The following DCLK2 variants were observed in gnomAD, a reference collection of about 807,000 sequenced individuals.
The protein encoded by DCLK2 is doublecortin like kinase 2, also known as serine/threonine-protein kinase DCLK2.
DCLK2 carries 31 observed loss-of-function variants against 78.4 expected under a neutral mutation model. The ratio of observed to expected loss-of-function variants is 0.40; its 90% CI spans 0.30 to 0.53. The LOEUF (loss-of-function observed/expected upper bound fraction) is 0.53, where lower values mean the gene tolerates loss of function less well. Among genes scored for constraint, DCLK2 ranks in the 20% least tolerant of loss-of-function variants. The pLI is 0.61. For synonymous variants in DCLK2, 407 were observed against 374.9 expected, an observed-to-expected ratio of 1.09 and a Z score of -0.99; for missense variants, 872 against 973.7, an observed-to-expected ratio of 0.90 and a Z score of 1.39.
At position 150,178,070 on chromosome 4, in the gene DCLK2, A is replaced by G. The variant is rs1173953749; in HGVS notation, c.757-15068A>G. On this transcript the variant is annotated intron_variant, in intron 2 of 15. Transcript: ENST00000296550. ...AACTCTTCAATCCTGAATTAAATAT[A>G]TGAATTACCTTAAAATGAAAACAAA... Among the ~76,000 whole-genome samples, 4 of 152,376 alleles carry G rather than the reference A, an allele frequency of 2.6e-5. No homozygotes were observed. The East Asian group carries it at 7.7e-4, about 29-fold the overall frequency.
rs1354356604 is a variant in DCLK2 at position 150,248,314 on chromosome 4, A to G, written c.1885A>G (p.Ser629Gly). ...NITDSAKELI[S>G]QMLQVNVEAR... ...GTTTGTTTATTTGTAGGAATTAATCAGTCAAATGCTTCAGGTAAATGTTGA... is the reference window on the plus strand; with the variant it reads ...GTTTGTTTATTTGTAGGAATTAATCGGTCAAATGCTTCAGGTAAATGTTGA... Residue 629 changes from serine (S) to glycine (G), a missense_variant, in exon 14 of 16, where the codon AGT becomes GGT. Ser to Gly is a moderately conservative substitution (Grantham distance 56). This residue lies in a region of DCLK2 where 219 missense variants were observed against 230.1 expected (regional missense o/e 0.95). Coordinates refer to ENST00000296550, the MANE Select transcript of DCLK2 (RefSeq NM_001040260.4). 1.9e-6 allele frequency: 3 copies of G among 1,613,852 alleles called. No homozygotes were observed. The Admixed American group carries it at 5.0e-5, about 27-fold the overall frequency.
In DCLK2 at chr4:150,248,398, A is replaced by G. The variant is rs780908203; in HGVS notation, c.1956+13A>G. ...CCCCTGGGTGTCAGTAAGTACCCAC[A>G]TTCCCAGGGAATGGGCCTCACTGTG... On this transcript the variant is annotated intron_variant, in intron 14 of 15. Transcript: ENST00000296550. The G allele has an allele frequency of 5.8e-5, 93 of 1,610,908 alleles. No individual in the cohort carries two copies. The highest frequency in any genetic ancestry group is 7.8e-5 in the Non-Finnish European group (92 of 1,177,408).
chr4:150,247,461 A>G (rs1465753332), intron 12 of DCLK2, 142 bp from the exon 13 acceptor site: 2 of 618,870 alleles, frequency 3.2e-6, no homozygotes, highest in Non-Finnish European at 5.8e-6. Context: ...TTACAAATGG[A>G]ATTGAGATAC....
chr4:150,102,965 G>C (rs1410890397), intron 2 of DCLK2, among the ~76,000 whole-genome samples, 153 bp downstream of exon 2: 1 of 151,754 alleles, frequency 6.6e-6, no homozygotes, highest in Non-Finnish European at 1.5e-5. Context: ...GTGTGTGTGT[G>C]TGTATGTATG....
chr4:150,148,169 G>A (rs1008789914), intron 2 of DCLK2, among the ~76,000 whole-genome samples: 34 of 152,136 alleles, frequency 2.2e-4, no homozygotes, highest in African/African-American at 7.7e-4. Flanking sequence ...TTCGAGACCA[G>A]CCTGGGCAAT....
chr4:150,087,488 CAG>C (rs1344730241), intron 1 of DCLK2, among the ~76,000 whole-genome samples: 2 of 152,176 alleles, frequency 1.3e-5, no homozygotes, highest in African/African-American at 4.8e-5. Context: ...TGAGATGAGA[CAG>C]ATTAATAGAA....
rs1009338185 is a variant in DCLK2 at position 150,131,683 on chromosome 4, G to C, written c.756+28871G>C. Among the ~76,000 whole-genome samples the C allele has an allele frequency of 9.9e-5, 15 of 152,222 alleles. No individual in the cohort carries two copies. In the East Asian group the frequency reaches 2.7e-3, roughly 27 times the overall value. Reference sequence around the variant, plus strand: ...CCAGAGTCACTGTTCCTTGTCAAAAGCTCTTTTTATTAGAGGTTGAAATGC... The same window carrying C: ...CCAGAGTCACTGTTCCTTGTCAAAACCTCTTTTTATTAGAGGTTGAAATGC... On this transcript the variant is annotated intron_variant, in intron 2 of 15. Coordinates refer to ENST00000296550, the MANE Select transcript of DCLK2 (RefSeq NM_001040260.4).
At chr4:150,086,729 A>G (rs961668353) in intron 1 of DCLK2, among the ~76,000 whole-genome samples, 6 of 151,992 alleles carry the variant, frequency 3.9e-5, no homozygotes, top group Non-Finnish European at 7.4e-5. Flanking sequence ...GATGGTCTCG[A>G]TCTCCTGACC....
intron 12 of DCLK2, among the ~76,000 whole-genome samples, chr4:150,241,322 G>A (rs541518259): frequency 2.6e-5 from 4 of 152,248 alleles, no homozygotes; most frequent in East Asian, 3.9e-4. Context: ...AGCAGGGCAC[G>A]GGAGCACACT....
In DCLK2 at chr4:150,256,687, CTCTCTT is replaced by C; in HGVS notation, c.*442_*447del. 1 of 158,226 alleles carries C rather than the reference CTCTCTT, an allele frequency of 6.3e-6. No individual in the cohort carries two copies. The highest frequency in any genetic ancestry group is 1.4e-5 in the Non-Finnish European group (1 of 72,470). The allele number at this position is 158,226 out of a possible 1,614,324, so 9.8% of individuals were successfully genotyped here. On this transcript the variant is annotated 3_prime_UTR_variant, in exon 16 of 16. Coordinates refer to ENST00000296550, the MANE Select transcript of DCLK2 (RefSeq NM_001040260.4). Reference sequence around the variant, plus strand: ...CCTTTCTTTTCTTTTCTCTCTCTCTCTCTCTTTTTTTTTTACGAAAGACTTAGAATT... The same window carrying C: ...CCTTTCTTTTCTTTTCTCTCTCTCTCTTTTTTTTACGAAAGACTTAGAATT...
At chr4:150,150,278 G>A (rs929866250) in intron 2 of DCLK2, among the ~76,000 whole-genome samples, 6 of 152,192 alleles carry the variant, frequency 3.9e-5, no homozygotes, top group African/African-American at 1.4e-4. Context: ...GAAGGCAGAA[G>A]CTGAAGTTTC....
chr4:150,135,706 A>G (rs1361796247), intron 2 of DCLK2, among the ~76,000 whole-genome samples: 2 of 152,256 alleles, frequency 1.3e-5, no homozygotes, highest in Non-Finnish European at 2.9e-5. Flanking sequence ...ACAAATGTTA[A>G]TAAGACAAAG....
At chr4:150,169,271 A>G (rs1343796960) in intron 2 of DCLK2, among the ~76,000 whole-genome samples, 2 of 152,356 alleles carry the variant, frequency 1.3e-5, no homozygotes, top group African/African-American at 2.4e-5. Flanking sequence ...TCATATTTAG[A>G]AGGAAAAAAA....
chr4:150,255,413 G>C (rs1744486418), intron 15 of DCLK2, among the ~76,000 whole-genome samples: 1 of 152,256 alleles, frequency 6.6e-6, no homozygotes, highest in South Asian at 2.1e-4. Flanking sequence ...GTTCCTTGAA[G>C]AGCTGAGCAG....
intron 5 of DCLK2, among the ~76,000 whole-genome samples, chr4:150,204,435 C>T (rs929104355): frequency 4.6e-5 from 7 of 151,958 alleles, no homozygotes; most frequent in South Asian, 2.1e-4. Context: ...AAACAGTAAC[C>T]GTATGATTAG....
At chr4:150,099,215 A>G (rs538020581) in intron 1 of DCLK2, among the ~76,000 whole-genome samples, 1 of 152,090 alleles carries the variant, frequency 6.6e-6, no homozygotes, top group Non-Finnish European at 1.5e-5. Flanking sequence ...GTATCTAACC[A>G]AGAATGATTA....
At chr4:150,232,531 G>A (rs1580765192) in intron 9 of DCLK2, 75 bp downstream of exon 9, 4 of 1,567,142 alleles carry the variant, frequency 2.6e-6, no homozygotes, top group African/African-American at 1.4e-5. Context: ...AATCAGAAAA[G>A]TGTATTGCTA....
intron 1 of DCLK2, among the ~76,000 whole-genome samples, chr4:150,098,851 A>G (rs1258274315): frequency 8.6e-5 from 13 of 151,620 alleles, no homozygotes; most frequent in Non-Finnish European, 1.5e-5. Context: ...GCCCGCCACC[A>G]CACCCGGCTA....
intron 3 of DCLK2, among the ~76,000 whole-genome samples, chr4:150,197,761 T>C (rs1739159241): frequency 1.4e-5 from 2 of 145,934 alleles, no homozygotes; most frequent in Non-Finnish European, 3.0e-5. Flanking sequence ...GCCATTGCAC[T>C]CCAGCCTGGG....
Sources: gnomAD v4.1 joint callset for allele counts (sites outside exome capture counted in the v4.1 genomes callset) on GRCh38, gnomAD v4.1.1 for gene constraint, gnomAD v4.1.1 regional missense constraint, MANE v1.5 for transcripts, NCBI Gene and HGNC (gene_info 2026-07-23, HGNC 2026-07-21) for gene names.